Variants in BICD1 observed in about 807,000 individuals in gnomAD.
BICD1 encodes the protein protein bicaudal D homolog 1.
Under a neutral mutation model 92.5 loss-of-function variants are expected in BICD1, and 35 were observed. The observed-to-expected ratio is 0.38, with a 90% CI of 0.29 to 0.50. The LOEUF (loss-of-function observed/expected upper bound fraction) is 0.50, where lower values mean the gene tolerates loss of function less well. BICD1 is among the 20% of genes least tolerant of loss of function. BICD1 has a pLI of 0.93. For missense variants in BICD1, 950 were observed against 1,189.8 expected, an observed-to-expected ratio of 0.80 and a Z score of 2.97; for synonymous variants, 429 against 465.1, an observed-to-expected ratio of 0.92 and a Z score of 1.00.
chr12:32,367,950 G>T, intron 9 of BICD1: 1 of 536,282 alleles, frequency 1.9e-6, no homozygotes, highest in East Asian at 3.0e-5. Context: ...TATTTTGCTG[G>T]CTGCCAGCTG....
At chr12:32,154,040 G>A (rs1179889545) in intron 1 of BICD1, among the ~76,000 whole-genome samples, 1 of 151,878 alleles carries the variant, frequency 6.6e-6, no homozygotes. Context: ...AGACGGGAAA[G>A]GGACTCTCAC....
At chr12:32,225,695 A>G (rs1945667627) in intron 2 of BICD1, among the ~76,000 whole-genome samples, 1 of 133,450 alleles carries the variant, frequency 7.5e-6, no homozygotes, top group African/African-American at 2.8e-5. Flanking sequence ...ATCTCAGCTC[A>G]CTGCAACCTC....
intron 1 of BICD1, among the ~76,000 whole-genome samples, chr12:32,194,950 G>A (rs1944684341): frequency 6.6e-6 from 1 of 151,928 alleles, no homozygotes; most frequent in African/African-American, 2.4e-5. Context: ...GAAGGTGAAA[G>A]ATCTGTACAT....
chr12:32,191,943 A>G (rs1944581254), intron 1 of BICD1, among the ~76,000 whole-genome samples: 1 of 152,052 alleles, frequency 6.6e-6, no homozygotes, highest in Non-Finnish European at 1.5e-5. Flanking sequence ...TAATAACCCT[A>G]TAATGGCCTC....
At chr12:32,115,386 G>GT (rs149711623) in intron 1 of BICD1, among the ~76,000 whole-genome samples, 2 of 97,782 alleles carry the variant, frequency 2.0e-5, no homozygotes, top group African/African-American at 4.0e-5. Flanking sequence ...TGGTGTTTTT[G>GT]GTTTTTTTTT....
At chr12:32,151,519 T>C (rs1295438668) in intron 1 of BICD1, among the ~76,000 whole-genome samples, 1 of 152,272 alleles carries the variant, frequency 6.6e-6, no homozygotes, top group Non-Finnish European at 1.5e-5. Flanking sequence ...GCACACTGTT[T>C]ATTGCAAGCA....
chr12:32,362,209 A>C (rs1939356686), intron 8 of BICD1, among the ~76,000 whole-genome samples: 1 of 152,166 alleles, frequency 6.6e-6, no homozygotes, highest in Non-Finnish European at 1.5e-5. Context: ...AAATTATAAA[A>C]ATTGGCCGGG....
At chr12:32,215,338 A>G (rs1456558527) in intron 1 of BICD1, among the ~76,000 whole-genome samples, 1 of 151,998 alleles carries the variant, frequency 6.6e-6, no homozygotes, top group Non-Finnish European at 1.5e-5. Context: ...GTAAGTGACC[A>G]GTTTAGTTTC....
chr12:32,376,320 C>T (rs1168331377), intron 9 of BICD1, among the ~76,000 whole-genome samples: 3 of 151,986 alleles, frequency 2.0e-5, no homozygotes, highest in Non-Finnish European at 4.4e-5. Flanking sequence ...ATCTCTTGAC[C>T]TCATAATCCT....
At chr12:32,357,895 A>G (rs1357457111) in intron 8 of BICD1, among the ~76,000 whole-genome samples, 1 of 152,200 alleles carries the variant, frequency 6.6e-6, no homozygotes, top group Non-Finnish European at 1.5e-5. Context: ...TAGGGCTTCA[A>G]TATATGAATT....
intron 2 of BICD1, among the ~76,000 whole-genome samples, chr12:32,291,373 T>C (rs542122829): frequency 1.8e-3 from 272 of 151,772 alleles, no homozygotes; most frequent in African/African-American, 6.4e-3. Flanking sequence ...CCCACCTCTA[T>C]AAAAAATTTA....
At chr12:32,372,073 C>T (rs1939761340) in intron 9 of BICD1, among the ~76,000 whole-genome samples, 1 of 152,220 alleles carries the variant, frequency 6.6e-6, no homozygotes, top group South Asian at 2.1e-4. Context: ...AAATCACCCA[C>T]CATGATTCCT....
intron 1 of BICD1, among the ~76,000 whole-genome samples, chr12:32,198,326 C>CTATATATATATATATA (rs1233094983): frequency 2.7e-5 from 3 of 112,250 alleles, no homozygotes; most frequent in African/African-American, 1.1e-4. Flanking sequence ...TAATATGCAT[C>CTATATATATATATATA]TATCTATATA....
At chr12:32,306,747 G>A (rs951697662) in intron 4 of BICD1, among the ~76,000 whole-genome samples, 4 of 151,646 alleles carry the variant, frequency 2.6e-5, no homozygotes, top group Non-Finnish European at 5.9e-5. Context: ...GGGCGCGGTG[G>A]CTTACACCTG....
chr12:32,152,019 C>G (rs529921738), intron 1 of BICD1, among the ~76,000 whole-genome samples: 1 of 151,988 alleles, frequency 6.6e-6, no homozygotes, highest in Non-Finnish European at 1.5e-5. Context: ...TGTAGTGGCG[C>G]GTTCTCAGCT....
intron 1 of BICD1, among the ~76,000 whole-genome samples, chr12:32,116,478 CTCTCTCTCTCTCTT>C (rs1368480947): frequency 9.8e-4 from 110 of 112,336 alleles, no homozygotes; most frequent in Middle Eastern, 5.2e-3. Context: ...CTCTCTCTCT[CTCTCTCTCTCTCTT>C]TCTCTCTCTC....
chr12:32,266,765 G>C (rs1947007580), intron 2 of BICD1, among the ~76,000 whole-genome samples: 1 of 150,558 alleles, frequency 6.6e-6, no homozygotes, highest in Non-Finnish European at 1.5e-5. Flanking sequence ...GGCTGAGGCA[G>C]AAGAATCACT....
chr12:32,328,666 T>C lies in BICD1; in HGVS notation c.2100+111T>C, dbSNP rs1937673551. On this transcript the variant is annotated intron_variant, in intron 5 of 9. Transcript: ENST00000652176. This position sits in a 1 kb window ranked among gnomAD's most constrained non-coding sequence, Gnocchi z 4.4. ...TCAAGATGAGAGTTCAGATTCTTGGTAAGTGGATAAATAAAACTGTCCCAG... is the reference window on the plus strand; with the variant it reads ...TCAAGATGAGAGTTCAGATTCTTGGCAAGTGGATAAATAAAACTGTCCCAG... 1 of 1,398,658 alleles carries C rather than the reference T, an allele frequency of 7.1e-7. No homozygotes were observed. The highest frequency in any genetic ancestry group is 9.6e-7 in the Non-Finnish European group (1 of 1,042,358). 86.6% of individuals were successfully genotyped at this position (1,398,658 alleles called of 1,614,324 possible).
chr12:32,192,556 A>G (rs1428098877), intron 1 of BICD1, among the ~76,000 whole-genome samples: 1 of 151,548 alleles, frequency 6.6e-6, no homozygotes, highest in African/African-American at 2.4e-5. Context: ...CAACCACAAC[A>G]TTCCGTTAAG....
Sources: gnomAD v4.1 joint callset for allele counts (sites outside exome capture counted in the v4.1 genomes callset) on GRCh38, gnomAD v4.1.1 for gene constraint, Gnocchi (gnomAD v3.1) non-coding constraint, MANE v1.5 for transcripts, NCBI Gene and HGNC (gene_info 2026-07-23, HGNC 2026-07-21) for gene names.